ANO4: variants seen among roughly 807,000 people sequenced by gnomAD.
The protein encoded by ANO4 is anoctamin-4.
A neutral mutation model predicts 141.9 loss-of-function variants in ANO4; 69 were observed. The ratio of observed to expected loss-of-function variants is 0.49; its 90% CI spans 0.40 to 0.59. The LOEUF (loss-of-function observed/expected upper bound fraction) is 0.59, where lower values mean the gene tolerates loss of function less well. Among genes scored for constraint, ANO4 ranks in the 20% least tolerant of loss-of-function variants. The probability of loss-of-function intolerance (pLI) is 0.00; values close to 1 mark genes in which losing one functional copy is unlikely to be tolerated. For synonymous variants in ANO4, 350 were observed against 394.3 expected, an observed-to-expected ratio of 0.89 and a Z score of 1.33; for missense variants, 894 against 1,162.2, an observed-to-expected ratio of 0.77 and a Z score of 3.36.
chr12:101,056,366 G>T (rs1348210239), intron 14 of ANO4, among the ~76,000 whole-genome samples: 1 of 151,148 alleles, frequency 6.6e-6, no homozygotes, highest in Admixed American at 6.6e-5. Context: ...TTTACAAATA[G>T]TATTTTTCTG....
At chr12:101,005,113 T>C (rs2045819039) in intron 8 of ANO4, among the ~76,000 whole-genome samples, 1 of 152,164 alleles carries the variant, frequency 6.6e-6, no homozygotes, top group Admixed American at 6.5e-5. Flanking sequence ...GAGGGAGCCA[T>C]GGTTGAGTCA....
chr12:100,741,972 G>T (rs2031886923), intron 3 of ANO4, among the ~76,000 whole-genome samples: 1 of 152,024 alleles, frequency 6.6e-6, no homozygotes, highest in Admixed American at 6.6e-5. Context: ...CCTCCATAGA[G>T]CACTATACTC....
intron 7 of ANO4, among the ~76,000 whole-genome samples, chr12:100,980,060 G>T (rs1368300107): frequency 1.3e-5 from 2 of 152,110 alleles, no homozygotes; most frequent in Admixed American, 6.5e-5. Context: ...TCTTTCTAAA[G>T]CTGAAGGAAT....
chr12:100,938,652 T>C (rs1361939089), intron 3 of ANO4, among the ~76,000 whole-genome samples: 1 of 152,202 alleles, frequency 6.6e-6, no homozygotes, highest in Admixed American at 6.5e-5. Flanking sequence ...AGCCTGTACC[T>C]AGAACCGTGA....
rs2049580027 is a variant in ANO4 at position 101,088,087 on chromosome 12, CT to C, written c.1701+1264del. Among the ~76,000 whole-genome samples, 5 of 152,180 alleles carry C rather than the reference CT, an allele frequency of 3.3e-5. No individual in the cohort carries two copies. The South Asian group carries it at 1.0e-3, about 32-fold the overall frequency. ...ACAGTAAAAGCCTGCGAGGCCACATCTACACAGTGGCCTCACGGGCTTTCGC... is the reference window on the plus strand; with the variant it reads ...ACAGTAAAAGCCTGCGAGGCCACATCACACAGTGGCCTCACGGGCTTTCGC... On this transcript the variant is annotated intron_variant, in intron 17 of 27. Coordinates refer to ENST00000392977, the MANE Select transcript of ANO4 (RefSeq NM_001286615.2).
chr12:100,894,852 G>C (rs1264934876), intron 1 of ANO4, among the ~76,000 whole-genome samples: 1 of 151,364 alleles, frequency 6.6e-6, no homozygotes, highest in Admixed American at 6.6e-5. Flanking sequence ...TGTAGTCCCA[G>C]CTACTTGGGA....
chr12:100,786,453 C>T (rs2033876253), intron 3 of ANO4, among the ~76,000 whole-genome samples: 1 of 152,164 alleles, frequency 6.6e-6, no homozygotes, highest in South Asian at 2.1e-4. Flanking sequence ...GGAATGGTAC[C>T]TCTGCATTGG....
chr12:101,000,080 C>T (rs1266053887), intron 8 of ANO4, among the ~76,000 whole-genome samples: 1 of 150,268 alleles, frequency 6.7e-6, no homozygotes, highest in African/African-American at 2.4e-5. Context: ...TAGTCCAGTA[C>T]CTGGCAGATA....
chr12:100,858,348 G>C (rs1311728702), intron 1 of ANO4, among the ~76,000 whole-genome samples: 1 of 152,058 alleles, frequency 6.6e-6, no homozygotes, highest in African/African-American at 2.4e-5. Context: ...AAAATGTACA[G>C]TAAAAATATG....
intron 1 of ANO4, among the ~76,000 whole-genome samples, chr12:100,819,926 C>T (rs1208077574): frequency 6.6e-6 from 1 of 151,836 alleles, no homozygotes; most frequent in Non-Finnish European, 1.5e-5. Context: ...AGTTGAAGCC[C>T]AAATCAAGTT....
intron 14 of ANO4, among the ~76,000 whole-genome samples, chr12:101,062,103 T>C (rs2048371457): frequency 6.6e-6 from 1 of 152,226 alleles, no homozygotes; most frequent in African/African-American, 2.4e-5. Context: ...ATGCTGTTCC[T>C]TTCTGTTTGT....
intron 9 of ANO4, among the ~76,000 whole-genome samples, chr12:101,022,470 C>T (rs751065656): frequency 2.6e-5 from 4 of 152,164 alleles, no homozygotes; most frequent in Non-Finnish European, 2.9e-5. Flanking sequence ...ATAACATTTG[C>T]GTACTGAATA....
At chr12:101,023,575 A>G (rs2046619022) in intron 9 of ANO4, among the ~76,000 whole-genome samples, 1 of 152,166 alleles carries the variant, frequency 6.6e-6, no homozygotes, top group Admixed American at 6.5e-5. Flanking sequence ...GGAGGCTGAG[A>G]TGGGAGGATT....
At chr12:101,014,893 G>A (rs2046250415) in intron 8 of ANO4, among the ~76,000 whole-genome samples, 1 of 152,010 alleles carries the variant, frequency 6.6e-6, no homozygotes, top group Non-Finnish European at 1.5e-5. Context: ...GGAGTGTTGT[G>A]TTCATAGCTC....
chr12:100,909,005 G>A (rs1191593350), intron 2 of ANO4, among the ~76,000 whole-genome samples: 1 of 152,104 alleles, frequency 6.6e-6, no homozygotes, highest in African/African-American at 2.4e-5. Context: ...ATTAAACATG[G>A]GTCTTAAGGC....
intron 3 of ANO4, among the ~76,000 whole-genome samples, chr12:100,929,294 C>G (rs2041997228): frequency 6.6e-6 from 1 of 152,070 alleles, no homozygotes; most frequent in Admixed American, 6.6e-5. Context: ...CATATGGTAA[C>G]CACCATTCTA....
chr12:100,967,099 C>A (rs905245338), intron 5 of ANO4, among the ~76,000 whole-genome samples: 2 of 151,982 alleles, frequency 1.3e-5, no homozygotes, highest in Admixed American at 6.6e-5. Flanking sequence ...GTGTGTGAAT[C>A]TTATCTCTTT....
chr12:101,075,630 A>G lies in ANO4; in HGVS notation c.1313-3563A>G, dbSNP rs573731047. On this transcript the variant is annotated intron_variant, in intron 14 of 27. Coordinates refer to ENST00000392977, the MANE Select transcript of ANO4 (RefSeq NM_001286615.2). ...AACTTATCATAGTGCCAGGTAGTAT[A>G]AGAGAAATATATATATATACACACA... Among the ~76,000 whole-genome samples the G allele has an allele frequency of 5.5e-3, 774 of 139,588 alleles. 7 individuals carry two copies. The highest frequency in any genetic ancestry group is 0.02 in the African/African-American group (747 of 38,240). The allele number at this position is 139,588 out of a possible 152,430, so 91.6% of individuals were successfully genotyped here.
intron 16 of ANO4, among the ~76,000 whole-genome samples, chr12:101,085,433 C>G (rs544735374): frequency 6.6e-6 from 1 of 152,116 alleles, no homozygotes; most frequent in African/African-American, 2.4e-5. Flanking sequence ...GTCATTATTT[C>G]CTAAACAATA....
Sources: gnomAD v4.1 joint callset for allele counts (sites outside exome capture counted in the v4.1 genomes callset) on GRCh38, gnomAD v4.1.1 for gene constraint, MANE v1.5 for transcripts, NCBI Gene and HGNC (gene_info 2026-07-23, HGNC 2026-07-21) for gene names.